The following CDK2AP2 variants were observed in gnomAD, a reference collection of about 807,000 sequenced individuals.
CDK2AP2 encodes cyclin dependent kinase 2 associated protein 2, also known as cyclin-dependent kinase 2-associated protein 2.
CDK2AP2 carries 1 observed loss-of-function variant against 13.0 expected under a neutral mutation model. That is an observed-to-expected ratio of 0.08 (90% CI 0.03 to 0.37). CDK2AP2 has a LOEUF of 0.37. CDK2AP2 is among the 10% of genes least tolerant of loss of function. CDK2AP2 has a pLI of 0.99. For missense variants in CDK2AP2, 129 were observed against 175.8 expected (o/e 0.73, Z 1.50); for synonymous variants, 76 against 73.0 (o/e 1.04, Z -0.21).
chr11:67,507,664 T>A lies in CDK2AP2; in HGVS notation c.108A>T (p.Ser36=). The change falls in exon 2 of 4, where the codon TCA becomes TCT. Residue 36 remains serine (S), a synonymous_variant. Coordinates refer to ENST00000301488, the MANE Select transcript of CDK2AP2 (RefSeq NM_005851.5). ...TGAAAGGAGCGCCGGCTCCTGGCAC[T>A]GAGCCCGACGGCGACGGGACGCTTC... ...PTGSVPSPSG[S]VPGAGAPFRP... 3 of 1,613,174 alleles carry A rather than the reference T, an allele frequency of 1.9e-6. No individual in the cohort carries two copies. The highest frequency in any genetic ancestry group is 1.7e-6 in the Non-Finnish European group (2 of 1,180,000).
rs1591071802 is a variant in CDK2AP2, at chr11:67,506,603, T to G, written c.*342A>C. 2.5e-6 allele frequency: 1 copy of G among 406,674 alleles called. No individual in the cohort carries two copies. 25.2% of individuals were successfully genotyped at this position (406,674 alleles called of 1,614,324 possible). ...TGGCTCAGGACACAAGGCAGGGAGG[T>G]GCCAGGCCTGTGCCCCTGCTGGGGG... On this transcript the variant is annotated 3_prime_UTR_variant, in exon 4 of 4. Coordinates refer to ENST00000301488, the MANE Select transcript of CDK2AP2 (RefSeq NM_005851.5).
chr11:67,507,774 C>T, intron 1 of CDK2AP2, 85 bp from the exon 2 acceptor site: 1 of 1,562,156 alleles, frequency 6.4e-7, no homozygotes, highest in Non-Finnish European at 8.6e-7. Flanking sequence ...CGGGTTCGCC[C>T]GATTCCCTCC....
At chr11:67,507,721 G>A (rs1006503306) in intron 1 of CDK2AP2, 32 bp from the exon 2 acceptor site, 4 of 1,609,346 alleles carry the variant, frequency 2.5e-6, no homozygotes, top group South Asian at 1.1e-5. Context: ...AGAGGTCAGC[G>A]CGGGGCAGGG....
In CDK2AP2 at chr11:67,507,723, G is replaced by A. The variant is rs772882003; in HGVS notation, c.83-34C>T. ...ACAGGCGCGAGTAAGAGGTCAGCGC[G>A]GGGCAGGGACGCCGCCTCCCAGCTT... On this transcript the variant is annotated intron_variant, in intron 1 of 3. Transcript: ENST00000301488. 2.5e-6 allele frequency: 4 copies of A among 1,607,572 alleles called. No homozygotes were observed. The African/African-American group carries it at 4.0e-5, about 16-fold the overall frequency.
At chr11:67,507,952 G>A (rs1263993762) in intron 1 of CDK2AP2, 49 bp downstream of exon 1, 2 of 1,549,336 alleles carry the variant, frequency 1.3e-6, no homozygotes, top group Non-Finnish European at 1.7e-6. Context: ...TCTTCTCTTC[G>A]AGACCTCGAC....
At chr11:67,507,099 C>T (rs780679078) in intron 3 of CDK2AP2, 87 bp from the exon 4 acceptor site, 61 of 1,009,790 alleles carry the variant, frequency 6.0e-5, no homozygotes, top group Non-Finnish European at 8.8e-5. Context: ...ACTCCCTTTC[C>T]ACTTTCGGCA....
Position 67,507,385 on chromosome 11 carries a change from G to A in CDK2AP2, c.293C>T (p.Ala98Val). Reference protein sequence around the residue: ...IRPTYAGSKSAMERLKRGIIH... With the variant: ...IRPTYAGSKSVMERLKRGIIH... Reference sequence around the variant, plus strand: ...CTTACCTCTCTTCAGGCGCTCCATGGCGCTCTTGCTGCCAGCATAGGTAGG... The same window carrying A: ...CTTACCTCTCTTCAGGCGCTCCATGACGCTCTTGCTGCCAGCATAGGTAGG... The change falls in exon 3 of 4, where the codon GCC becomes GTC. Residue 98 changes from alanine to valine, a missense_variant. Physicochemically the swap from Ala to Val is moderately conservative, Grantham distance 64. Coordinates refer to ENST00000301488, the MANE Select transcript of CDK2AP2 (RefSeq NM_005851.5). The A allele has an allele frequency of 1.2e-6, 2 of 1,612,828 alleles. No individual in the cohort carries two copies. Among genetic ancestry groups the A allele is most frequent in the Non-Finnish European group, 1.7e-6 (2 of 1,180,022 alleles).
rs1469823464 is a variant in CDK2AP2 at position 67,507,606 on chromosome 11, T to C, written c.166A>G (p.Met56Val). Residue 56 changes from methionine to valine, a missense_variant, in exon 2 of 4, where the codon ATG becomes GTG. Met to Val is a conservative substitution (Grantham distance 21). Coordinates refer to ENST00000301488, the MANE Select transcript of CDK2AP2 (RefSeq NM_005851.5). Reference protein sequence around the residue: ...PLFNDFGPPSMGYVQAMKPPG... With the variant: ...PLFNDFGPPSVGYVQAMKPPG... ...GCCCCACTCACCTGCACGTAGCCCA[T>C]GGAAGGCGGTCCAAAGTCGTTAAAC... is the stretch of plus-strand genomic sequence containing the variant. 1 of 1,613,570 alleles carries C rather than the reference T, an allele frequency of 6.2e-7. No homozygotes were observed. The highest frequency in any genetic ancestry group is 1.7e-5 in the Admixed American group (1 of 60,034).
chr11:67,507,257 C>G, intron 3 of CDK2AP2, 108 bp downstream of exon 3: 1 of 1,261,386 alleles, frequency 7.9e-7, no homozygotes, highest in Non-Finnish European at 1.1e-6. Context: ...GGTAGTAATA[C>G]TGGACATCCT....
chr11:67,506,648 A>C lies in CDK2AP2; in HGVS notation c.*297T>G. On this transcript the variant is annotated 3_prime_UTR_variant, in exon 4 of 4. Coordinates refer to ENST00000301488, the MANE Select transcript of CDK2AP2 (RefSeq NM_005851.5). ...TGGGGGAGAAGGAGGCTCGGGACAA[A>C]GTGGGAGAAGTGCTGGGAAGGGCTG... is the stretch of plus-strand genomic sequence containing the variant. 1 of 466,312 alleles carries C rather than the reference A, an allele frequency of 2.1e-6. No individual in the cohort carries two copies. The highest frequency in any genetic ancestry group is 3.8e-6 in the Non-Finnish European group (1 of 260,024). The allele number at this position is 466,312 out of a possible 1,614,324, so 28.9% of individuals were successfully genotyped here.
At position 67,507,680 on chromosome 11, in the gene CDK2AP2, G is replaced by C; in HGVS notation, c.92C>G (p.Pro31Arg). Residue 31 changes from proline to arginine, a missense_variant, in exon 2 of 4, where the codon CCG becomes CGG. Transcript: ENST00000301488. Reference sequence around the variant, plus strand: ...TCCTGGCACTGAGCCCGACGGCGACGGGACGCTTCCTGCAGCAACAGGCGC... The same window carrying C: ...TCCTGGCACTGAGCCCGACGGCGACCGGACGCTTCCTGCAGCAACAGGCGC... ...PGTPVPTGSV[P>R]SPSGSVPGAG... 6.2e-7 allele frequency: 1 copy of C among 1,613,050 alleles called. No homozygotes were observed. Among genetic ancestry groups the C allele is most frequent in the Non-Finnish European group, 8.5e-7 (1 of 1,179,990 alleles).
Position 67,507,424 on chromosome 11 carries a change from C to T in CDK2AP2, c.254G>A (p.Gly85Asp). The change falls in exon 3 of 4, where the codon GGC becomes GAC. Residue 85 changes from glycine to aspartate, a missense_variant. Around this residue, in one of 2 missense-constraint regions of CDK2AP2, gnomAD observed 31 missense variants for 76.0 expected, o/e 0.41. Transcript: ENST00000301488. ...TDLLSVIEEM[G>D]KEIRPTYAGS... ...AGCATAGGTAGGCCGGATCTCTTTG[C>T]CCATCTCCTCTATGACTGACAGCAG... 1 of 1,613,754 alleles carries T rather than the reference C, an allele frequency of 6.2e-7. No individual in the cohort carries two copies. Among genetic ancestry groups the T allele is most frequent in the Non-Finnish European group, 8.5e-7 (1 of 1,180,024 alleles).
rs1279582920 is a variant in CDK2AP2 at position 67,506,709 on chromosome 11, C to G, written c.*236G>C. 1.8e-6 allele frequency: 1 copy of G among 554,404 alleles called. No individual in the cohort carries two copies. The highest frequency in any genetic ancestry group is 3.2e-6 in the Non-Finnish European group (1 of 312,480). The allele number at this position is 554,404 out of a possible 1,614,324, so 34.3% of individuals were successfully genotyped here. A position where few individuals can be genotyped will look rare whatever the true frequency, so the allele number is the denominator to read the frequency against. On this transcript the variant is annotated 3_prime_UTR_variant, in exon 4 of 4. Transcript: ENST00000301488. Reference sequence around the variant, plus strand: ...GCCACAAAAGTTCCGGTGGGCAACACTGTCGGCAGGTCATGGGTGGGACTC... The same window carrying G: ...GCCACAAAAGTTCCGGTGGGCAACAGTGTCGGCAGGTCATGGGTGGGACTC...
At position 67,507,483 on chromosome 11, in the gene CDK2AP2, G is replaced by A. The variant is rs567320147; in HGVS notation, c.195C>T (p.Pro65=). ...AGGTGCTCTGGGAGCCCTGGGCGCC[G>A]GGTGGCTTCATCGCCTATGTCAAAA... ...SMGYVQAMKP[P]GAQGSQSTYT... Residue 65 remains proline, a synonymous_variant, in exon 3 of 4, where the codon CCC becomes CCT. Coordinates refer to ENST00000301488, the MANE Select transcript of CDK2AP2 (RefSeq NM_005851.5). 1.9e-6 allele frequency: 3 copies of A among 1,613,842 alleles called. No homozygotes were observed. The highest frequency in any genetic ancestry group is 2.2e-5 in the East Asian group (1 of 44,868).
chr11:67,507,145 T>C (rs1866550327), intron 3 of CDK2AP2, 133 bp from the exon 4 acceptor site: 4 of 828,622 alleles, frequency 4.8e-6, no homozygotes, highest in Non-Finnish European at 7.5e-6. Flanking sequence ...TAGATGAAAT[T>C]AGAGGTTTGG....
Position 67,506,764 on chromosome 11 carries a change from G to C in CDK2AP2, c.*181C>G. The C allele has an allele frequency of 1.7e-6, 1 of 581,980 alleles. No homozygotes were observed. Among genetic ancestry groups the C allele is most frequent in the Non-Finnish European group, 3.0e-6 (1 of 328,518 alleles). 36.1% of individuals were successfully genotyped at this position (581,980 alleles called of 1,614,324 possible). ...GGACCTCGCTGCTAACTCTTGTTGTGGGGGGGTGTCCTTAGTGCTGCCACC... is the reference window on the plus strand; with the variant it reads ...GGACCTCGCTGCTAACTCTTGTTGTCGGGGGGTGTCCTTAGTGCTGCCACC... On this transcript the variant is annotated 3_prime_UTR_variant, in exon 4 of 4. Coordinates refer to ENST00000301488, the MANE Select transcript of CDK2AP2 (RefSeq NM_005851.5).
Position 67,507,484 on chromosome 11 carries a change from G to A in CDK2AP2, c.194C>T (p.Pro65Leu). 1.2e-6 allele frequency: 2 copies of A among 1,613,872 alleles called. No homozygotes were observed. Among genetic ancestry groups the A allele is most frequent in the Non-Finnish European group, 1.7e-6 (2 of 1,180,012 alleles). Reference sequence around the variant, plus strand: ...GGTGCTCTGGGAGCCCTGGGCGCCGGGTGGCTTCATCGCCTATGTCAAAAG... The same window carrying A: ...GGTGCTCTGGGAGCCCTGGGCGCCGAGTGGCTTCATCGCCTATGTCAAAAG... ...SMGYVQAMKP[P>L]GAQGSQSTYT... is the part of the protein sequence containing the mutation. Residue 65 changes from proline (P) to leucine (L), a missense_variant, in exon 3 of 4, where the codon CCC becomes CTC. Transcript: ENST00000301488.
Position 67,508,009 on chromosome 11 carries a change from A to T in CDK2AP2, c.74T>A (p.Val25Asp). The change falls in exon 1 of 4, where the codon GTC becomes GAC. Residue 25 changes from valine (V) to aspartate (D), a missense_variant. By Grantham distance (152) the Val-to-Asp change is radical. Coordinates refer to ENST00000301488, the MANE Select transcript of CDK2AP2 (RefSeq NM_005851.5). ...GSSTPGPGTP[V>D]PTGSVPSPSG... is the part of the protein sequence containing the mutation. ...TGGAGCTGGATCCTCACCTGTAGGG[A>T]CCGGGGTGCCCGGCCCAGGGGTGCT... is the stretch of plus-strand genomic sequence containing the variant. 1 of 1,544,172 alleles carries T rather than the reference A, an allele frequency of 6.5e-7. No individual in the cohort carries two copies. Among genetic ancestry groups the T allele is most frequent in the Non-Finnish European group, 8.7e-7 (1 of 1,145,176 alleles).
chr11:67,506,925 TGAGGCC>T lies in CDK2AP2; in HGVS notation c.*14_*19del. On this transcript the variant is annotated 3_prime_UTR_variant, in exon 4 of 4. Transcript: ENST00000301488. ...GCAGTGGCCGGATAGGTCCAGACGCTGAGGCCGAGGCGCTTCCTGTTACGTGCGGGC... is the reference window on the plus strand; with the variant it reads ...GCAGTGGCCGGATAGGTCCAGACGCTGAGGCGCTTCCTGTTACGTGCGGGC... 6.5e-7 allele frequency: 1 copy of T among 1,549,628 alleles called. No homozygotes were observed. Among genetic ancestry groups the T allele is most frequent in the Non-Finnish European group, 8.7e-7 (1 of 1,145,504 alleles).
Sources: allele counts gnomAD v4.1 joint callset, GRCh38; gene constraint gnomAD v4.1.1; regional missense constraint gnomAD v4.1.1; transcripts MANE v1.5; gene names NCBI Gene and HGNC (gene_info 2026-07-23, HGNC 2026-07-21).